Variants in GPC5 observed in about 807,000 individuals in gnomAD.
GPC5 encodes glypican-5.
In GPC5, 47 loss-of-function variants were observed where a neutral mutation model predicts 53.9. The observed-to-expected ratio is 0.87, with a 90% CI of 0.69 to 1.11. The LOEUF is 1.11. Ranked by LOEUF, GPC5 falls within the 50% of genes most tolerant of loss-of-function variation. The pLI is 0.00. For synonymous variants in GPC5, 286 were observed against 263.3 expected (o/e 1.09, Z -0.84); for missense variants, 748 against 713.1 (o/e 1.05, Z -0.56).
At chr13:92,829,912 T>C (rs149098395) in intron 7 of GPC5, among the ~76,000 whole-genome samples, 2,647 of 152,226 alleles carry the variant, frequency 0.017, 39 homozygotes, top group South Asian at 0.027. Flanking sequence ...GTCAAATTAA[T>C]TTTCAAAACT....
chr13:92,402,894 A>T (rs9589536), intron 7 of GPC5, among the ~76,000 whole-genome samples: 1 of 152,158 alleles, frequency 6.6e-6, no homozygotes, highest in Non-Finnish European at 1.5e-5. Context: ...CCTCCACTCA[A>T]TGCAAGTTTT....
In GPC5 at chr13:92,343,971, T is replaced by C. The variant is rs577231768; in HGVS notation, c.1561+198982T>C. On this transcript the variant is annotated intron_variant, in intron 7 of 7. Coordinates refer to ENST00000377067, the MANE Select transcript of GPC5 (RefSeq NM_004466.6). ...GAAGCCTGTTTTTTGGGAACTGAGA[T>C]AATAGATAATGAGGAATAATTTTTA... Among the ~76,000 whole-genome samples the C allele has an allele frequency of 5.9e-5, 9 of 152,254 alleles. No homozygotes were observed. The South Asian group carries it at 1.7e-3, about 28-fold the overall frequency.
chr13:91,572,078 T>C lies in GPC5; in HGVS notation c.326-121109T>C, dbSNP rs576149503. Reference sequence around the variant, plus strand: ...GTATATATACATGTATATACACACATATGTATATGTACATGTGTGTGTATA... The same window carrying C: ...GTATATATACATGTATATACACACACATGTATATGTACATGTGTGTGTATA... On this transcript the variant is annotated intron_variant, in intron 2 of 7. Coordinates refer to ENST00000377067, the MANE Select transcript of GPC5 (RefSeq NM_004466.6). Among the ~76,000 whole-genome samples, 52 of 138,896 alleles carry C rather than the reference T, an allele frequency of 3.7e-4. 3 individuals carry two copies. Among genetic ancestry groups the C allele is most frequent in the Middle Eastern group, 8.0e-3 (2 of 250 alleles). The allele number at this position is 138,896 out of a possible 152,430, so 91.1% of individuals were successfully genotyped here. A position where few individuals can be genotyped will look rare whatever the true frequency, so the allele number is the denominator to read the frequency against.
At chr13:92,167,885 A>AAG (rs397699508) in intron 7 of GPC5, among the ~76,000 whole-genome samples, 1,870 of 151,684 alleles carry the variant, frequency 0.012, 31 homozygotes, top group African/African-American at 0.043. Flanking sequence ...AAAAAAAAAA[A>AAG]GATAGTTTTT....
At chr13:92,389,286 A>G (rs1180650857) in intron 7 of GPC5, among the ~76,000 whole-genome samples, 1 of 152,154 alleles carries the variant, frequency 6.6e-6, no homozygotes, top group Non-Finnish European at 1.5e-5. Flanking sequence ...AGTGATATAC[A>G]TAAGATCACA....
intron 2 of GPC5, among the ~76,000 whole-genome samples, chr13:91,584,702 C>T (rs1359628391): frequency 6.6e-6 from 1 of 152,056 alleles, no homozygotes; most frequent in Non-Finnish European, 1.5e-5. Context: ...TCTCAGCCTC[C>T]CTGCCTCAGC....
chr13:92,536,268 T>G (rs1881719674), intron 7 of GPC5, among the ~76,000 whole-genome samples: 1 of 152,130 alleles, frequency 6.6e-6, no homozygotes, highest in Non-Finnish European at 1.5e-5. Flanking sequence ...AGTATTCAGT[T>G]AATAGTTTTA....
chr13:91,561,152 C>T (rs1436711575), intron 2 of GPC5, among the ~76,000 whole-genome samples: 1 of 152,202 alleles, frequency 6.6e-6, no homozygotes, highest in South Asian at 2.1e-4. Context: ...TGGAATCTTA[C>T]TTCATTTCTT....
At chr13:92,482,885 C>T (rs1215701568) in intron 7 of GPC5, among the ~76,000 whole-genome samples, 1 of 152,156 alleles carries the variant, frequency 6.6e-6, no homozygotes, top group African/African-American at 2.4e-5. Context: ...CTAATAAAGA[C>T]ATACCTGAGA....
At chr13:92,487,840 T>TAAAAAAAAAAAAAAA (rs66972682) in intron 7 of GPC5, among the ~76,000 whole-genome samples, 1 of 99,590 alleles carries the variant, frequency 1.0e-5, no homozygotes. Context: ...ATAAATATAG[T>TAAAAAAAAAAAAAAA]AAAAAAAAAA....
chr13:92,577,407 T>C (rs572893156), intron 7 of GPC5, among the ~76,000 whole-genome samples: 1 of 141,026 alleles, frequency 7.1e-6, no homozygotes, highest in South Asian at 2.2e-4. Context: ...TGAATGTAAG[T>C]ATGTATGTAT....
At chr13:92,427,458 G>A (rs550956550) in intron 7 of GPC5, among the ~76,000 whole-genome samples, 12 of 121,242 alleles carry the variant, frequency 9.9e-5, no homozygotes, top group East Asian at 2.5e-4. Flanking sequence ...ATCTTAAATG[G>A]CTCTGCAGTG....
chr13:92,829,128 A>C (rs1877958433), intron 7 of GPC5, among the ~76,000 whole-genome samples: 2 of 152,178 alleles, frequency 1.3e-5, no homozygotes, highest in Admixed American at 1.3e-4. Flanking sequence ...GTCTACGCAA[A>C]GCACTGCAGC....
At chr13:91,486,151 A>G (rs946265173) in intron 2 of GPC5, 11 of 152,218 alleles carry the variant, frequency 7.2e-5, no homozygotes, top group Admixed American at 1.3e-4. Flanking sequence ...TCAGTTTCCT[A>G]TCTTTGTATA....
At chr13:91,447,149 A>C (rs1880865909) in intron 1 of GPC5, among the ~76,000 whole-genome samples, 2 of 152,226 alleles carry the variant, frequency 1.3e-5, no homozygotes, top group African/African-American at 4.8e-5. Flanking sequence ...AATTCCAAAG[A>C]GATATTTGCT....
chr13:91,718,757 G>C lies in GPC5; in HGVS notation c.1021-9775G>C, dbSNP rs571124678. 7.2e-4 allele frequency among the ~76,000 whole-genome samples: 110 copies of C among 151,930 alleles called. 2 individuals carry two copies. The highest frequency in any genetic ancestry group is 1.4e-3 in the Non-Finnish European group (98 of 68,002). On this transcript the variant is annotated intron_variant, in intron 3 of 7. Coordinates refer to ENST00000377067, the MANE Select transcript of GPC5 (RefSeq NM_004466.6). ...CTCTTTTCTTTCCACTAATTATTCAGGGTTTATCTAAAGATTTCCCTGAAG... is the reference window on the plus strand; with the variant it reads ...CTCTTTTCTTTCCACTAATTATTCACGGTTTATCTAAAGATTTCCCTGAAG...
intron 2 of GPC5, among the ~76,000 whole-genome samples, chr13:91,507,910 G>C (rs532602080): frequency 2.6e-5 from 4 of 152,178 alleles, no homozygotes; most frequent in African/African-American, 9.6e-5. Context: ...TGAAAACTCT[G>C]AAAGTATACT....
chr13:92,427,256 A>T lies in GPC5; in HGVS notation c.1561+282267A>T, dbSNP rs550270273. ...TCTGACTCTGTGTTATTGTGGTTTT[A>T]TGCTGTTTTTAAAACCTAACTCCTC... is the stretch of plus-strand genomic sequence containing the variant. On this transcript the variant is annotated intron_variant, in intron 7 of 7. Coordinates refer to ENST00000377067, the MANE Select transcript of GPC5 (RefSeq NM_004466.6). Among the ~76,000 whole-genome samples, 19 of 150,702 alleles carry T rather than the reference A, an allele frequency of 1.3e-4. No individual in the cohort carries two copies. The East Asian group carries it at 3.5e-3, about 28-fold the overall frequency.
chr13:91,676,446 G>A (rs1401634330), intron 2 of GPC5, among the ~76,000 whole-genome samples: 1 of 152,012 alleles, frequency 6.6e-6, no homozygotes, highest in African/African-American at 2.4e-5. Flanking sequence ...CATGGATATA[G>A]GTGTACTCAG....
Sources: allele counts gnomAD v4.1 joint callset (sites outside exome capture counted in the v4.1 genomes callset), GRCh38; gene constraint gnomAD v4.1.1; transcripts MANE v1.5; gene names NCBI Gene and HGNC (gene_info 2026-07-23, HGNC 2026-07-21).